Variants in CACNA1H observed in about 807,000 individuals in gnomAD.
CACNA1H encodes the protein voltage-dependent T-type calcium channel subunit alpha-1H.
Under a neutral mutation model 192.5 loss-of-function variants are expected in CACNA1H, and 149 were observed. The observed-to-expected ratio is 0.77, with a 90% confidence interval of 0.68 to 0.89. The LOEUF (loss-of-function observed/expected upper bound fraction) is 0.89, where lower values mean the gene tolerates loss of function less well. CACNA1H is among the 40% of genes least tolerant of loss of function. The pLI is 0.00. For missense variants in CACNA1H, 4,257 were observed against 3,423.5 expected, an observed-to-expected ratio of 1.24 and a Z score of -6.08; for synonymous variants, 2,202 against 1,475.2, an observed-to-expected ratio of 1.49 and a Z score of -11.29.
At position 1,195,033 on chromosome 16, in the gene CACNA1H, C is replaced by G; in HGVS notation, c.361C>G (p.Arg121Gly). The part of the protein sequence containing the change: ...MLNCVTLGMF[R>G]PCEDVECGSE... Reference sequence around the variant, plus strand: ...CAACTGCGTGACCCTGGGCATGTTCCGGCCCTGTGAGGACGTTGAGTGCGG... The same window carrying G: ...CAACTGCGTGACCCTGGGCATGTTCGGGCCCTGTGAGGACGTTGAGTGCGG... Residue 121 changes from arginine to glycine, a missense_variant, in exon 3 of 35, where the codon CGG becomes GGG. Coordinates refer to ENST00000348261, the MANE Select transcript of CACNA1H (RefSeq NM_021098.3). 6.2e-7 allele frequency: 1 copy of G among 1,611,226 alleles called. No homozygotes were observed. Among genetic ancestry groups the G allele is most frequent in the Non-Finnish European group, 8.5e-7 (1 of 1,178,886 alleles).
At position 1,215,854 on chromosome 16, in the gene CACNA1H, C is replaced by T. The variant is rs12920709; in HGVS notation, c.5244+261C>T. On this transcript the variant is annotated intron_variant, in intron 30 of 34. Coordinates refer to ENST00000348261, the MANE Select transcript of CACNA1H (RefSeq NM_021098.3). ...CCGGTGCACTTCCAGAGGCGGGGGC[C>T]GTGGAGAGCCAGAGGGATGCAGGCA... Among the ~76,000 whole-genome samples, 59,518 of 151,892 alleles carry T rather than the reference C, an allele frequency of 0.39. 12,347 individuals are homozygous for T. Among genetic ancestry groups the T allele is most frequent in the East Asian group, 0.74 (3,783 of 5,140 alleles).
At chr16:1,162,838 G>A (rs530348957) in intron 2 of CACNA1H, among the ~76,000 whole-genome samples, 1 of 152,214 alleles carries the variant, frequency 6.6e-6, no homozygotes, top group Non-Finnish European at 1.5e-5. Flanking sequence ...TGAGCAGGGG[G>A]TGGGATAGTC....
At chr16:1,184,908 CTTGT>C (rs1965831681) in intron 2 of CACNA1H, among the ~76,000 whole-genome samples, 1 of 150,376 alleles carries the variant, frequency 6.6e-6, no homozygotes, top group Admixed American at 6.6e-5. Context: ...TTTTTTTTTA[CTTGT>C]TTATGTGACG....
At chr16:1,189,535 G>C (rs1381017613) in intron 2 of CACNA1H, among the ~76,000 whole-genome samples, 2 of 146,676 alleles carry the variant, frequency 1.4e-5, no homozygotes, top group African/African-American at 5.0e-5. Flanking sequence ...TCCCACTTCA[G>C]CCTCCCCGAG....
rs764562828 is a variant in CACNA1H, at chr16:1,208,984, G to A, written c.3364-48G>A. ...TGGGTGCTCCGTAATGACAGCGGTC[G>A]GTGCTAATAGTGATGCCACCAGGTC... On this transcript the variant is annotated intron_variant, in intron 16 of 34. Transcript: ENST00000348261. The A allele has an allele frequency of 2.1e-5, 29 of 1,411,220 alleles. 1 individual carries two copies. Among genetic ancestry groups the A allele is most frequent in the South Asian group, 4.9e-5 (3 of 61,264 alleles). The allele number at this position is 1,411,220 out of a possible 1,614,324, so 87.4% of individuals were successfully genotyped here. A position where few individuals can be genotyped will look rare whatever the true frequency, so the allele number is the denominator to read the frequency against.
At position 1,154,959 on chromosome 16, in the gene CACNA1H, G is replaced by A. The variant is rs372482969; in HGVS notation, c.299+923G>A. Reference sequence around the variant, plus strand: ...GCCCTTCTGAGCCGGCAGCTGGGGTGGCCAGGCCGTGGCTTCTGCTCCGGG... The same window carrying A: ...GCCCTTCTGAGCCGGCAGCTGGGGTAGCCAGGCCGTGGCTTCTGCTCCGGG... On this transcript the variant is annotated intron_variant, in intron 2 of 34. Transcript: ENST00000348261. Among the ~76,000 whole-genome samples, 9 of 152,190 alleles carry A rather than the reference G, an allele frequency of 5.9e-5. No homozygotes were observed. The East Asian group carries it at 1.2e-3, about 20-fold the overall frequency.
intron 2 of CACNA1H, among the ~76,000 whole-genome samples, chr16:1,174,709 C>T (rs554370321): frequency 1.3e-5 from 2 of 152,318 alleles, no homozygotes; most frequent in South Asian, 2.1e-4. Flanking sequence ...ATGACTCAGA[C>T]AGTTCACAGA....
intron 2 of CACNA1H, among the ~76,000 whole-genome samples, chr16:1,165,025 G>A (rs891700699): frequency 5.3e-5 from 8 of 152,196 alleles, no homozygotes; most frequent in Non-Finnish European, 8.8e-5. Flanking sequence ...GTTCTGGGGC[G>A]TGAAGGACAC....
rs749678010 is a variant in CACNA1H, at chr16:1,218,221, C to A, written c.5457C>A (p.Arg1819=). ...NWNGIMKDTL[R]ECSREDKHCL... is the part of the protein sequence containing the mutation. ...GTCCCCCACCGCAGGACACGCTGCG[C>A]GAGTGCTCCCGTGAGGACAAGCACT... Residue 1819 remains arginine (R), a synonymous_variant, in exon 33 of 35, where the codon CGC becomes CGA. Transcript: ENST00000348261. 9.0e-6 allele frequency: 14 copies of A among 1,549,516 alleles called. No homozygotes were observed. Among genetic ancestry groups the A allele is most frequent in the Non-Finnish European group, 1.0e-5 (12 of 1,146,658 alleles).
chr16:1,188,642 C>T (rs923240324), intron 2 of CACNA1H, among the ~76,000 whole-genome samples: 2 of 152,210 alleles, frequency 1.3e-5, no homozygotes, highest in Non-Finnish European at 2.9e-5. Context: ...CGGGAGAAAA[C>T]GGCGCCTTCA....
At chr16:1,158,876 G>A (rs369216684) in intron 2 of CACNA1H, among the ~76,000 whole-genome samples, 10 of 146,974 alleles carry the variant, frequency 6.8e-5, no homozygotes, top group African/African-American at 1.1e-4. Context: ...CCCTGGCCCC[G>A]CAGGGCCCCC....
intron 2 of CACNA1H, among the ~76,000 whole-genome samples, chr16:1,194,675 C>T (rs1013784202): frequency 5.3e-5 from 8 of 152,140 alleles, no homozygotes; most frequent in Admixed American, 3.3e-4. Context: ...ACTACCGATG[C>T]GGCCAGCCCA....
In CACNA1H at chr16:1,200,374, C is replaced by T. The variant is rs764910199; in HGVS notation, c.922C>T (p.Arg308Cys). 15 of 1,600,760 alleles carry T rather than the reference C, an allele frequency of 9.4e-6. No individual in the cohort carries two copies. The highest frequency in any genetic ancestry group is 3.3e-5 in the South Asian group (3 of 89,964). Residue 308 changes from arginine to cysteine, a missense_variant, in exon 7 of 35, where the codon CGC becomes TGC. Transcript: ENST00000348261. ...GCAGAAGTGCTCGCACATCCCCGGC[C>T]GCCGCGAGCTGCGCATGCCCTGCAC... Reference protein sequence around the residue: ...GMQKCSHIPGRRELRMPCTLG... With the variant: ...GMQKCSHIPGCRELRMPCTLG...
At chr16:1,210,159 T>TAA in intron 18 of CACNA1H, 24 bp downstream of exon 18, 1 of 1,534,096 alleles carries the variant, frequency 6.5e-7, no homozygotes, top group Non-Finnish European at 8.8e-7. Context: ...GTCAGGAGGC[T>TAA]GCATGGCTAG....
At chr16:1,218,945 C>T in intron 33 of CACNA1H, 25 bp from the exon 34 acceptor site, 1 of 1,548,620 alleles carries the variant, frequency 6.5e-7, no homozygotes, top group Non-Finnish European at 8.7e-7. Context: ...GCAGAGCTGC[C>T]AGCTTAGATT....
rs1261359625 is a variant in CACNA1H, at chr16:1,196,062, C to CCCAG, written c.643+39_643+40insCCAG. The stretch of plus-strand genomic sequence containing the variant: ...CCCGACTGGGCTTGAGATCAACAGG[C>CCCAG]TTGCGTGTCCGCCAGCCCTGCAGAG... On this transcript the variant is annotated intron_variant, in intron 5 of 34. Transcript: ENST00000348261. The CCCAG allele has an allele frequency of 2.0e-6, 3 of 1,509,730 alleles. No homozygotes were observed. The Admixed American group carries it at 5.0e-5, about 25-fold the overall frequency. The allele number at this position is 1,509,730 out of a possible 1,614,324, so 93.5% of individuals were successfully genotyped here. A position where few individuals can be genotyped will look rare whatever the true frequency, so the allele number is the denominator to read the frequency against.
At position 1,219,171 on chromosome 16, in the gene CACNA1H, T is replaced by TG. The variant is rs3833846; in HGVS notation, c.6048+47dup. The stretch of plus-strand genomic sequence containing the variant: ...GGCCTGCAGCAGAGGCTGGCGGGGA[T>TG]GGGGGGCTTGCAGGGATGCCTCGTC... On this transcript the variant is annotated intron_variant, in intron 34 of 34. Transcript: ENST00000348261. 35,428 of 1,478,322 alleles carry TG rather than the reference T, an allele frequency of 0.024. 3,900 individuals are homozygous for TG. The East Asian group carries it at 0.4, about 17-fold the overall frequency. 91.6% of individuals were successfully genotyped at this position (1,478,322 alleles called of 1,614,324 possible).
chr16:1,215,467 C>T, intron 29 of CACNA1H, 56 bp from the exon 30 acceptor site: 1 of 1,591,336 alleles, frequency 6.3e-7, no homozygotes, highest in South Asian at 1.1e-5. Flanking sequence ...GGCCAGGGTC[C>T]CCGCGCAGCA....
chr16:1,206,462 C>T (rs913890665), intron 12 of CACNA1H, 173 bp downstream of exon 12: 12 of 626,918 alleles, frequency 1.9e-5, no homozygotes, highest in East Asian at 2.8e-5. Context: ...TGGGCCCCTA[C>T]TGTGTGCCAC....
Sources: gnomAD v4.1 joint callset for allele counts (sites outside exome capture counted in the v4.1 genomes callset) on GRCh38, gnomAD v4.1.1 for gene constraint, MANE v1.5 for transcripts, NCBI Gene and HGNC (gene_info 2026-07-23, HGNC 2026-07-21) for gene names.